VGLL4: variants seen among roughly 807,000 people sequenced by gnomAD.
VGLL4 encodes the protein transcription cofactor vestigial-like protein 4.
VGLL4 carries 7 observed loss-of-function variants against 21.0 expected under a neutral mutation model. The ratio of observed to expected loss-of-function variants is 0.33; its 90% CI spans 0.19 to 0.63. VGLL4 has a LOEUF of 0.63. VGLL4 is among the 20% of genes least tolerant of loss of function. VGLL4 has a pLI of 0.78. For synonymous variants in VGLL4, 222 were observed against 173.2 expected, an observed-to-expected ratio of 1.28 and a Z score of -2.21; for missense variants, 394 against 425.7, an observed-to-expected ratio of 0.93 and a Z score of 0.66.
chr3:11,634,077 A>G (rs1395012071), intron 1 of VGLL4, among the ~76,000 whole-genome samples: 1 of 152,132 alleles, frequency 6.6e-6, no homozygotes, highest in Non-Finnish European at 1.5e-5. Flanking sequence ...AGCTTCAAGT[A>G]TTCTCTATCC....
chr3:11,590,735 T>C (rs1046986436), intron 2 of VGLL4, among the ~76,000 whole-genome samples: 8 of 148,458 alleles, frequency 5.4e-5, no homozygotes, highest in Non-Finnish European at 1.0e-4. Flanking sequence ...AACAGCAAAA[T>C]GGAGAGAGAG....
Position 11,643,716 on chromosome 3 carries a change from C to A in VGLL4, c.-198G>T. ...AAAAAAATCGAGCTCACACGAAACCCTTCAAGGGCTTACTGGTAGACGGTG... is the reference window on the plus strand; with the variant it reads ...AAAAAAATCGAGCTCACACGAAACCATTCAAGGGCTTACTGGTAGACGGTG... On this transcript the variant is annotated 5_prime_UTR_variant, in exon 1 of 5. In the 5' UTR this introduces an upstream ATG that the reference lacks. Coordinates refer to ENST00000430365, the MANE Select transcript of VGLL4 (RefSeq NM_001128219.3). 1.4e-6 allele frequency: 2 copies of A among 1,411,292 alleles called. No homozygotes were observed. Among genetic ancestry groups the A allele is most frequent in the Non-Finnish European group, 9.2e-7 (1 of 1,087,536 alleles). 87.4% of individuals were successfully genotyped at this position (1,411,292 alleles called of 1,614,324 possible).
chr3:11,621,786 G>A (rs893710514), intron 1 of VGLL4, among the ~76,000 whole-genome samples: 1 of 152,126 alleles, frequency 6.6e-6, no homozygotes, highest in Non-Finnish European at 1.5e-5. Flanking sequence ...CACCAGCAAC[G>A]TATGAGGCAT....
chr3:11,561,988 C>T (rs1313662793), intron 3 of VGLL4, among the ~76,000 whole-genome samples: 2 of 151,548 alleles, frequency 1.3e-5, no homozygotes, highest in Non-Finnish European at 2.9e-5. Flanking sequence ...CAAGCTCCGC[C>T]TTCCGGGTTC....
chr3:11,558,424 T>C lies in VGLL4; in HGVS notation c.*132A>G, dbSNP rs1180291151. 2.2e-6 allele frequency: 3 copies of C among 1,374,014 alleles called. No individual in the cohort carries two copies. Among genetic ancestry groups the C allele is most frequent in the East Asian group, 2.5e-5 (1 of 40,038 alleles). The allele number at this position is 1,374,014 out of a possible 1,614,324, so 85.1% of individuals were successfully genotyped here. A position where few individuals can be genotyped will look rare whatever the true frequency, so the allele number is the denominator to read the frequency against. On this transcript the variant is annotated 3_prime_UTR_variant, in exon 5 of 5. Transcript: ENST00000430365. The stretch of plus-strand genomic sequence containing the variant: ...AAACAGAACACAAATCCCAACAACA[T>C]GGTTTTTGCAAATAAACCATCCCTT...
At chr3:11,652,488 C>T (rs1450294800) in intron 2 of VGLL4, among the ~76,000 whole-genome samples, 1 of 152,116 alleles carries the variant, frequency 6.6e-6, no homozygotes, top group African/African-American at 2.4e-5. Flanking sequence ...GGCGCGATGT[C>T]TGCTCACTGG....
chr3:11,651,729 G>A (rs1166543477), intron 2 of VGLL4, among the ~76,000 whole-genome samples: 7 of 151,274 alleles, frequency 4.6e-5, no homozygotes, highest in African/African-American at 1.5e-4. Flanking sequence ...ATGACGTACA[G>A]TAAGTACCAG....
intron 1 of VGLL4, among the ~76,000 whole-genome samples, chr3:11,604,734 T>C (rs2074892827): frequency 6.9e-6 from 1 of 144,150 alleles, no homozygotes; most frequent in Non-Finnish European, 1.5e-5. Context: ...GACTAGCTAA[T>C]GTGTCATGTT....
At chr3:11,646,958 A>T (rs2075803001), upstream of VGLL4, among the ~76,000 whole-genome samples, 1 of 152,238 alleles carries the variant, frequency 6.6e-6, no homozygotes, top group African/African-American at 2.4e-5. Context: ...AATTCGATAG[A>T]CTAATTTTAT....
chr3:11,720,219 C>T (rs1368127106), intron 1 of VGLL4, among the ~76,000 whole-genome samples: 1 of 268 alleles, frequency 3.7e-3, no homozygotes, highest in African/African-American at 0.012. Flanking sequence ...TCCGCTTCCC[C>T]CGGCTCGCGA....
intron 2 of VGLL4, among the ~76,000 whole-genome samples, chr3:11,601,337 A>T (rs1469622894): frequency 6.6e-6 from 1 of 152,192 alleles, no homozygotes; most frequent in East Asian, 1.9e-4. Flanking sequence ...CCAAGTTTGT[A>T]CCAGGGGCAC....
intron 2 of VGLL4, among the ~76,000 whole-genome samples, chr3:11,581,063 C>CTTTT (rs373891384): frequency 1.9e-5 from 2 of 104,110 alleles, no homozygotes; most frequent in African/African-American, 4.5e-5. Context: ...TCTGCAACTC[C>CTTTT]TTTTTTTTTT....
intron 2 of VGLL4, among the ~76,000 whole-genome samples, chr3:11,582,847 G>A (rs2074268294): frequency 6.6e-6 from 1 of 152,136 alleles, no homozygotes. Flanking sequence ...CTGCACTGTA[G>A]GAAGCAACTT....
chr3:11,660,227 G>A (rs1235093512), intron 2 of VGLL4, among the ~76,000 whole-genome samples: 1 of 152,094 alleles, frequency 6.6e-6, no homozygotes, highest in Non-Finnish European at 1.5e-5. Context: ...TCTGATCTTG[G>A]TTCTGCCACA....
At chr3:11,718,189 A>T (rs1332888410) in intron 1 of VGLL4, among the ~76,000 whole-genome samples, 1 of 152,228 alleles carries the variant, frequency 6.6e-6, no homozygotes, top group African/African-American at 2.4e-5. Context: ...ATTTTGCCAA[A>T]GTTAAACAAC....
chr3:11,580,872 C>T (rs554051819), intron 2 of VGLL4, among the ~76,000 whole-genome samples: 5 of 152,310 alleles, frequency 3.3e-5, no homozygotes, highest in South Asian at 2.1e-4. Context: ...GTGAGCATTT[C>T]GGAGACTTAT....
chr3:11,659,746 C>T (rs1047400630), intron 2 of VGLL4, among the ~76,000 whole-genome samples: 1 of 152,234 alleles, frequency 6.6e-6, no homozygotes, highest in Non-Finnish European at 1.5e-5. Flanking sequence ...ATTCTAAACA[C>T]AGTACTTCAG....
At chr3:11,713,216 G>T (rs1412652549) in intron 1 of VGLL4, among the ~76,000 whole-genome samples, 1 of 152,154 alleles carries the variant, frequency 6.6e-6, no homozygotes, top group Non-Finnish European at 1.5e-5. Context: ...CTTGGTGCTC[G>T]AACTGCTCAC....
Position 11,582,523 on chromosome 3 carries a change from T to C in VGLL4, c.273-17504A>G. On this transcript the variant is annotated intron_variant, in intron 2 of 4. Transcript: ENST00000430365. ...TAGGTCAGGAACTCCTGGGAGGGTT[T>C]ATTTATAGAGGGTGCCTTGCCAAAA... 5 of 631,312 alleles carry C rather than the reference T, an allele frequency of 7.9e-6. No homozygotes were observed. In the South Asian group the frequency reaches 1.1e-4, roughly 14 times the overall value. 39.1% of individuals were successfully genotyped at this position (631,312 alleles called of 1,614,324 possible).
Sources: gnomAD v4.1 joint callset for allele counts (sites outside exome capture counted in the v4.1 genomes callset) on GRCh38, gnomAD v4.1.1 for gene constraint, MANE v1.5 for transcripts, NCBI Gene and HGNC (gene_info 2026-07-23, HGNC 2026-07-21) for gene names.